The following CACNA1I variants were observed in gnomAD, a reference collection of about 807,000 sequenced individuals.
The protein encoded by CACNA1I is calcium voltage-gated channel subunit alpha1 I, also known as voltage-dependent T-type calcium channel subunit alpha-1I.
Under a neutral mutation model 201.6 loss-of-function variants are expected in CACNA1I, and 74 were observed. That is an observed-to-expected ratio of 0.37 (90% CI 0.30 to 0.45). CACNA1I has a LOEUF of 0.45. Among genes scored for constraint, CACNA1I ranks in the 20% least tolerant of loss-of-function variants. The pLI is 1.00. For synonymous variants in CACNA1I, 1,431 were observed against 1,345.2 expected, an observed-to-expected ratio of 1.06 and a Z score of -1.40; for missense variants, 2,346 against 3,138.1, an observed-to-expected ratio of 0.75 and a Z score of 6.03.
In CACNA1I at chr22:39,676,153, C is replaced by T. The variant is rs945066563; in HGVS notation, c.4855-1188C>T. Among the ~76,000 whole-genome samples, 2 of 152,154 alleles carry T rather than the reference C, an allele frequency of 1.3e-5. No homozygotes were observed. The highest frequency in any genetic ancestry group is 4.8e-5 in the African/African-American group (2 of 41,432). ...GGGAGGGGACAGATAGAAAAGCTGA[C>T]GGCAATCCTGGTTAAGAGATGCTGC... On this transcript the variant is annotated intron_variant, in intron 29 of 36. Transcript: ENST00000402142. This position sits in a 1 kb window ranked among gnomAD's most constrained non-coding sequence, Gnocchi z 4.8.
chr22:39,644,930 C>T (rs553844914), intron 7 of CACNA1I, among the ~76,000 whole-genome samples: 1 of 152,076 alleles, frequency 6.6e-6, no homozygotes, highest in East Asian at 1.9e-4. Flanking sequence ...TCAAGTGATC[C>T]TCCTGCCTTG....
At chr22:39,581,296 T>G (rs1284088532) in intron 1 of CACNA1I, among the ~76,000 whole-genome samples, 1 of 151,942 alleles carries the variant, frequency 6.6e-6, no homozygotes, top group Admixed American at 6.6e-5. Flanking sequence ...AGAGCTGAGT[T>G]TAGGGTCACC....
chr22:39,613,603 G>A (rs867186841), intron 3 of CACNA1I, among the ~76,000 whole-genome samples: 22 of 152,218 alleles, frequency 1.4e-4, no homozygotes, highest in African/African-American at 5.3e-4. Context: ...AGCTGGGATT[G>A]GAACCCAGCT....
At chr22:39,642,314 C>T (rs1236924010) in intron 6 of CACNA1I, among the ~76,000 whole-genome samples, 1 of 152,132 alleles carries the variant, frequency 6.6e-6, no homozygotes, top group Non-Finnish European at 1.5e-5. Flanking sequence ...TGCTCCATCC[C>T]CCAGTCTGGG....
At chr22:39,582,713 C>T (rs1220049928) in intron 1 of CACNA1I, among the ~76,000 whole-genome samples, 1 of 151,140 alleles carries the variant, frequency 6.6e-6, no homozygotes, top group African/African-American at 2.4e-5. Context: ...ACTACCTTCC[C>T]ATACTCCCAC....
At chr22:39,647,994 A>G (rs1392877309) in intron 9 of CACNA1I, 68 bp downstream of exon 9, 1 of 1,405,934 alleles carries the variant, frequency 7.1e-7, no homozygotes, top group Non-Finnish European at 1.0e-6. Flanking sequence ...GTTGGTGCTG[A>G]GAAGGAAGTC....
chr22:39,584,894 G>A (rs928793573), intron 1 of CACNA1I, among the ~76,000 whole-genome samples: 12 of 152,060 alleles, frequency 7.9e-5, no homozygotes, highest in African/African-American at 1.7e-4. Flanking sequence ...ATATCATCAC[G>A]GCCATCACTT....
Position 39,611,475 on chromosome 22 carries a change from C to T in CACNA1I, c.483-7835C>T, listed in dbSNP as rs1164295611. Among the ~76,000 whole-genome samples the T allele has an allele frequency of 2.0e-5, 3 of 152,214 alleles. No individual in the cohort carries two copies. In the East Asian group the frequency reaches 5.8e-4, roughly 29 times the overall value. ...CCTCAGAAAGCAGTGAGGTGAGTCC[C>T]CTGAGAGGAACATTTCCCCCAGGCT... On this transcript the variant is annotated intron_variant, in intron 3 of 36. Coordinates refer to ENST00000402142, the MANE Select transcript of CACNA1I (RefSeq NM_021096.4).
At position 39,660,433 on chromosome 22, in the gene CACNA1I, C is replaced by T. The variant is rs781693378; in HGVS notation, c.2694C>T (p.Ser898=). Residue 898 remains serine, a synonymous_variant, in exon 15 of 37, where the codon AGC becomes AGT. Transcript: ENST00000402142. ...AGCTCCAGGAAGGCCTGGACAGCAG[C>T]GGAGGTAAACAGGCCCTCGCTTGTC... is the stretch of plus-strand genomic sequence containing the variant. ...FDKLQEGLDS[S]GDPKLCPIPM... 10 of 1,609,864 alleles carry T rather than the reference C, an allele frequency of 6.2e-6. No homozygotes were observed. The highest frequency in any genetic ancestry group is 4.5e-5 in the East Asian group (2 of 44,832).
intron 1 of CACNA1I, among the ~76,000 whole-genome samples, chr22:39,578,579 C>T (rs1247930152): frequency 6.6e-6 from 1 of 152,080 alleles, no homozygotes; most frequent in Non-Finnish European, 1.5e-5. Context: ...CACCTCTCCC[C>T]TGGGCTCCCC....
At chr22:39,598,365 C>T in intron 2 of CACNA1I, 103 bp downstream of exon 2, 1 of 638,882 alleles carries the variant, frequency 1.6e-6, no homozygotes, top group Admixed American at 2.2e-5. Flanking sequence ...GGCCTTGCCC[C>T]GCCCACTCCA....
At chr22:39,624,186 C>G (rs1049269485) in intron 4 of CACNA1I, among the ~76,000 whole-genome samples, 4 of 151,764 alleles carry the variant, frequency 2.6e-5, no homozygotes, top group Non-Finnish European at 5.9e-5. Context: ...GTGTGAAGAG[C>G]GTGCGTGCGC....
In CACNA1I at chr22:39,659,385, C is replaced by A; in HGVS notation, c.2331-48C>A. The A allele has an allele frequency of 8.1e-7, 1 of 1,227,300 alleles. No homozygotes were observed. Among genetic ancestry groups the A allele is most frequent in the Non-Finnish European group, 1.2e-6 (1 of 851,884 alleles). 76.0% of individuals were successfully genotyped at this position (1,227,300 alleles called of 1,614,324 possible). On this transcript the variant is annotated intron_variant, in intron 12 of 36. Coordinates refer to ENST00000402142, the MANE Select transcript of CACNA1I (RefSeq NM_021096.4). The surrounding 1 kb of genome is among the most constrained non-coding windows in gnomAD (Gnocchi z 4.3). ...CTGAGAATGAAACAAGGTGAGTAGG[C>A]AGTTTGGTGCATGTGAGTCCGATGA...
At chr22:39,641,810 G>A (rs1176434562) in intron 6 of CACNA1I, among the ~76,000 whole-genome samples, 1 of 152,230 alleles carries the variant, frequency 6.6e-6, no homozygotes, top group Non-Finnish European at 1.5e-5. Flanking sequence ...TGTAGGGAAA[G>A]AACTAGGGCA....
intron 4 of CACNA1I, 89 bp downstream of exon 4, chr22:39,619,496 C>A (rs1051043542): frequency 1.2e-5 from 11 of 917,546 alleles, no homozygotes; most frequent in Non-Finnish European, 1.6e-5. Context: ...GCCCACCCCC[C>A]CACCCTGCTT....
chr22:39,656,772 C>T (rs1601503083), intron 10 of CACNA1I: 1 of 519,022 alleles, frequency 1.9e-6, no homozygotes, highest in East Asian at 5.4e-5. Context: ...CTAGGTGGCT[C>T]TGAACAAGTC....
chr22:39,611,766 G>A (rs1000261867), intron 3 of CACNA1I, among the ~76,000 whole-genome samples: 7 of 152,158 alleles, frequency 4.6e-5, no homozygotes, highest in African/African-American at 1.7e-4. Context: ...GGAGAGAGAA[G>A]GTCCAGGTCT....
At chr22:39,656,925 G>A (rs1369468305) in intron 10 of CACNA1I, among the ~76,000 whole-genome samples, 1 of 152,222 alleles carries the variant, frequency 6.6e-6, no homozygotes, top group Non-Finnish European at 1.5e-5. Flanking sequence ...ACCACAGTGA[G>A]CACACACCAG....
intron 24 of CACNA1I, 126 bp from the exon 25 acceptor site, chr22:39,669,912 A>G: frequency 9.5e-7 from 1 of 1,052,010 alleles, no homozygotes. Flanking sequence ...TTTAGACCTC[A>G]CAGCCACCTT....
Sources: allele counts gnomAD v4.1 joint callset (sites outside exome capture counted in the v4.1 genomes callset), GRCh38; gene constraint gnomAD v4.1.1; non-coding constraint Gnocchi (gnomAD v3.1); transcripts MANE v1.5; gene names NCBI Gene and HGNC (gene_info 2026-07-23, HGNC 2026-07-21).